The following BCOR variants were observed in gnomAD, a reference collection of about 807,000 sequenced individuals.
BCOR encodes the protein BCL-6 corepressor.
BCOR carries 10 observed loss-of-function variants against 86.7 expected under a neutral mutation model. The observed-to-expected ratio is 0.12, with a 90% CI of 0.07 to 0.20. BCOR has a LOEUF of 0.20. Among genes scored for constraint, BCOR ranks in the 10% least tolerant of loss-of-function variants. The probability of loss-of-function intolerance (pLI) is 1.00; values close to 1 mark genes in which losing one functional copy is unlikely to be tolerated. For synonymous variants in BCOR, 611 were observed against 609.0 expected (o/e 1.00, Z -0.05); for missense variants, 1,259 against 1,452.1 (o/e 0.87, Z 2.16).
At chrX:40,143,865 G>T (rs771619918) in intron 1 of BCOR, among the ~76,000 whole-genome samples, 1 of 112,494 alleles carries the variant, frequency 8.9e-6, no homozygotes, top group African/African-American at 3.2e-5. Context: ...GCTGACACAG[G>T]AGAATCGCTT....
At position 40,074,938 on chromosome X, in the gene BCOR, G is replaced by A. The variant is rs139802143; in HGVS notation, c.408C>T (p.Ala136=). 564 of 1,208,860 alleles carry A rather than the reference G, an allele frequency of 4.7e-4. 3 individuals are homozygous for A. The African/African-American group carries it at 8.9e-3, about 19-fold the overall frequency. The change falls in exon 4 of 15, where the codon GCC becomes GCT. Residue 136 remains alanine (A), a synonymous_variant. Transcript: ENST00000378444. ...AGCCATTTGGGGGTTTTCCAGAGAC[G>A]GCAGAAGCCTCCACTGTCTCGGGTG... The part of the protein sequence containing the change: ...PNTPETVEAS[A]VSGKPPNGFS...
rs1934974144 is a variant in BCOR at position 40,062,975 on chromosome X, G to C, written c.3944C>G (p.Ser1315Cys). ...TTTCTGCTGTTTGGCAGGCGGCCTG[G>C]AGGCTGGTGCGCAGCTTGGCTGAGC... ...KQAQPSCAPASRPPAKQQKIK... is the reference protein window; with the variant it reads ...KQAQPSCAPACRPPAKQQKIK... The change falls in exon 9 of 15, where the codon TCC becomes TGC. Residue 1315 changes from serine to cysteine, a missense_variant. Ser to Cys is a moderately radical substitution (Grantham distance 112). This residue lies in a region of BCOR where 305 missense variants were observed against 286.1 expected (regional missense o/e 1.07). Transcript: ENST00000378444. 1 of 1,185,164 alleles carries C rather than the reference G, an allele frequency of 8.4e-7. No homozygotes were observed. Among genetic ancestry groups the C allele is most frequent in the African/African-American group, 1.8e-5 (1 of 56,526 alleles).
At chrX:40,062,030 G>T in intron 10 of BCOR, 109 bp downstream of exon 10, 1 of 992,368 alleles carries the variant, frequency 1.0e-6, no homozygotes, top group South Asian at 2.1e-5. Context: ...GCCCAGCCCC[G>T]ATGTGGAGGG....
chrX:40,132,941 G>A (rs1421830728), intron 1 of BCOR, among the ~76,000 whole-genome samples: 1 of 111,752 alleles, frequency 8.9e-6, no homozygotes, highest in African/African-American at 3.3e-5. Context: ...CGTGGGGCCA[G>A]GACTCTGAAT....
chrX:40,140,664 A>G (rs200345983), intron 1 of BCOR, among the ~76,000 whole-genome samples: 3 of 112,540 alleles, frequency 2.7e-5, no homozygotes, highest in African/African-American at 9.7e-5. Context: ...GAGCCACCCC[A>G]ACAGCCACAA....
chrX:40,175,291 G>A (rs1938720065), intron 1 of BCOR, among the ~76,000 whole-genome samples: 1 of 113,384 alleles, frequency 8.8e-6, no homozygotes, highest in Admixed American at 9.2e-5. Context: ...GCGCGTAAGC[G>A]CGGCACTCAG....
At chrX:40,094,662 T>TA (rs1936771689) in intron 1 of BCOR, among the ~76,000 whole-genome samples, 1 of 112,951 alleles carries the variant, frequency 8.9e-6, no homozygotes, top group Non-Finnish European at 1.9e-5. Context: ...GGGAGCGAGT[T>TA]AAAGACACAG....
chrX:40,079,871 T>C (rs990025855), intron 1 of BCOR, among the ~76,000 whole-genome samples: 1 of 109,897 alleles, frequency 9.1e-6, no homozygotes, highest in Non-Finnish European at 1.9e-5. Context: ...CTCCGGCCCC[T>C]GCTGCCCTTT....
chrX:40,064,308 G>T (rs1419989030), intron 7 of BCOR, 28 bp downstream of exon 7: 2 of 1,211,613 alleles, frequency 1.7e-6, no homozygotes, highest in South Asian at 1.8e-5. Flanking sequence ...CCACCCCCCG[G>T]CAGGCGGGCG....
At chrX:40,102,748 G>A (rs1008041759), upstream of BCOR, among the ~76,000 whole-genome samples, 48 of 113,585 alleles carry the variant, frequency 4.2e-4, no homozygotes, top group Non-Finnish European at 6.7e-4. Flanking sequence ...GAACTGGAGG[G>A]GTAGAGAAGG....
rs1935710278 is a variant in BCOR at position 40,074,824 on chromosome X, G to A, written c.522C>T (p.Asp174=). 2 of 1,211,936 alleles carry A rather than the reference G, an allele frequency of 1.7e-6. No individual in the cohort carries two copies. The highest frequency in any genetic ancestry group is 2.2e-6 in the Non-Finnish European group (2 of 895,526). ...EALGLDRPAS[D]KQSPLNINGA... is the part of the protein sequence containing the mutation. ...CATTGATGTTGAGAGGGCTCTGTTT[G>A]TCGCTGGCAGGCCTGTCCAAGCCCA... Residue 174 remains aspartate (D), a synonymous_variant, in exon 4 of 15, where the codon GAC becomes GAT. Coordinates refer to ENST00000378444, the MANE Select transcript of BCOR (RefSeq NM_001123385.2).
At chrX:40,106,314 C>T (rs1929511589) in intron 1 of BCOR, among the ~76,000 whole-genome samples, 1 of 112,302 alleles carries the variant, frequency 8.9e-6, no homozygotes, top group South Asian at 3.7e-4. Context: ...AATGAGAGTG[C>T]ACACAGCGCT....
At chrX:40,152,540 C>T (rs1187989216) in intron 1 of BCOR, among the ~76,000 whole-genome samples, 2 of 113,166 alleles carry the variant, frequency 1.8e-5, no homozygotes, top group Non-Finnish European at 3.8e-5. Flanking sequence ...CTGTAAACAG[C>T]CGCGTGCACG....
chrX:40,113,964 G>T (rs970118750), intron 1 of BCOR, among the ~76,000 whole-genome samples: 1 of 110,862 alleles, frequency 9.0e-6, no homozygotes, highest in African/African-American at 3.3e-5. Flanking sequence ...GATTACAGGT[G>T]TGTGCCACCA....
At chrX:40,091,650 C>T (rs574639421) in intron 1 of BCOR, among the ~76,000 whole-genome samples, 7 of 113,528 alleles carry the variant, frequency 6.2e-5, no homozygotes, top group Middle Eastern at 4.6e-3. Context: ...AGAAAGCCGT[C>T]GGGCAGGGCT....
intron 1 of BCOR, among the ~76,000 whole-genome samples, chrX:40,089,818 C>T (rs1354140839): frequency 8.9e-6 from 1 of 111,902 alleles, no homozygotes; most frequent in Non-Finnish European, 1.9e-5. Context: ...GGGAGCTCCT[C>T]CATCTACCTT....
rs769671563 is a variant in BCOR at position 40,113,404 on chromosome X, C to T, written c.-40-35435G>A. Among the ~76,000 whole-genome samples the T allele has an allele frequency of 2.0e-5, 2 of 100,977 alleles. 1 individual carries two copies. The highest frequency in any genetic ancestry group is 8.8e-4 in the South Asian group (2 of 2,271). The allele number at this position is 100,977 out of a possible 115,157, so 87.7% of individuals were successfully genotyped here. A position where few individuals can be genotyped will look rare whatever the true frequency, so the allele number is the denominator to read the frequency against. On this transcript the variant is annotated intron_variant, in intron 1 of 14. Transcript: ENST00000342274. ...CCTGGGTGACAGAGGGAGACCATGT[C>T]TCAAAAAAAAAAAAAAAGTGTTGAA... is the stretch of plus-strand genomic sequence containing the variant.
At chrX:40,169,923 G>A (rs892117803) in intron 1 of BCOR, among the ~76,000 whole-genome samples, 16 of 111,923 alleles carry the variant, frequency 1.4e-4, no homozygotes, top group Non-Finnish European at 2.5e-4. Context: ...TAAGGCCGGT[G>A]GGCGGTCCAG....
chrX:40,133,974 T>A (rs1937634104), intron 1 of BCOR, among the ~76,000 whole-genome samples: 1 of 110,504 alleles, frequency 9.0e-6, no homozygotes, highest in African/African-American at 3.3e-5. Context: ...TGATAAGTTT[T>A]GTGGCTGTGA....
Sources: gnomAD v4.1 joint callset for allele counts (sites outside exome capture counted in the v4.1 genomes callset) on GRCh38, gnomAD v4.1.1 for gene constraint, gnomAD v4.1.1 regional missense constraint, MANE v1.5 for transcripts, NCBI Gene and HGNC (gene_info 2026-07-23, HGNC 2026-07-21) for gene names.